CDYL2: variants seen among roughly 807,000 people sequenced by gnomAD.
CDYL2 encodes chromodomain Y like 2, also known as chromodomain Y-like protein 2.
CDYL2 carries 23 observed loss-of-function variants against 49.4 expected under a neutral mutation model. The ratio of observed to expected loss-of-function variants is 0.47; its 90% CI spans 0.34 to 0.66. The LOEUF (loss-of-function observed/expected upper bound fraction) is 0.66, where lower values mean the gene tolerates loss of function less well. Among genes scored for constraint, CDYL2 ranks in the 30% least tolerant of loss-of-function variants. CDYL2 has a pLI of 0.01. For missense variants in CDYL2, 678 were observed against 656.4 expected (o/e 1.03, Z -0.36); for synonymous variants, 360 against 268.8 (o/e 1.34, Z -3.32).
intron 1 of CDYL2, among the ~76,000 whole-genome samples, chr16:80,698,562 G>C (rs538914028): frequency 5.3e-5 from 8 of 152,246 alleles, no homozygotes; most frequent in African/African-American, 1.9e-4. Flanking sequence ...CAGTGTTAGA[G>C]GTGGGGCTTG....
At chr16:80,804,759 G>A (rs1194497406), upstream of CDYL2, among the ~76,000 whole-genome samples, 1 of 149,908 alleles carries the variant, frequency 6.7e-6, no homozygotes, top group East Asian at 2.0e-4. Flanking sequence ...CGGGGCCCCC[G>A]GGGGGCGGCG....
At chr16:80,623,741 A>C (rs1907185365) in intron 3 of CDYL2, among the ~76,000 whole-genome samples, 1 of 152,156 alleles carries the variant, frequency 6.6e-6, no homozygotes, top group African/African-American at 2.4e-5. Flanking sequence ...AGAAGTTTGC[A>C]AGTATGGGGT....
At position 80,598,438 on chromosome 16, in the gene CDYL2, T is replaced by C. The variant is rs1273904424; in HGVS notation, c.*5950A>G. On this transcript the variant is annotated 3_prime_UTR_variant, in exon 7 of 7. Coordinates refer to ENST00000570137, the MANE Select transcript of CDYL2 (RefSeq NM_152342.4). ...CTCAACTGGTCAATGGATCAATGATTCCATCATGAATGAGAATGGAGAGAG... is the reference window on the plus strand; with the variant it reads ...CTCAACTGGTCAATGGATCAATGATCCCATCATGAATGAGAATGGAGAGAG... The C allele has an allele frequency of 6.6e-6, 1 of 152,128 alleles. No homozygotes were observed. Among genetic ancestry groups the C allele is most frequent in the African/African-American group, 2.4e-5 (1 of 41,438 alleles). The allele number at this position is 152,128 out of a possible 1,614,324, so 9.4% of individuals were successfully genotyped here. A position where few individuals can be genotyped will look rare whatever the true frequency, so the allele number is the denominator to read the frequency against.
At position 80,602,194 on chromosome 16, in the gene CDYL2, A is replaced by G. The variant is rs766536841; in HGVS notation, c.*2194T>C. 1.3e-5 allele frequency: 2 copies of G among 152,236 alleles called. No homozygotes were observed. The highest frequency in any genetic ancestry group is 2.9e-5 in the Non-Finnish European group (2 of 68,048). The allele number at this position is 152,236 out of a possible 1,614,324, so 9.4% of individuals were successfully genotyped here. A position where few individuals can be genotyped will look rare whatever the true frequency, so the allele number is the denominator to read the frequency against. On this transcript the variant is annotated 3_prime_UTR_variant, in exon 7 of 7. Transcript: ENST00000570137. Reference sequence around the variant, plus strand: ...CACATTTGCTTTCTCAAAGGAGGAGATAAGATCCAGATAGAGCTGTGACAA... The same window carrying G: ...CACATTTGCTTTCTCAAAGGAGGAGGTAAGATCCAGATAGAGCTGTGACAA...
rs370378594 is a variant in CDYL2, at chr16:80,724,029, G to C, written c.25-38900C>G. ...AGAAGCAAGAAGAGAAAGAGGAAGA[G>C]GGGAGGAGGAAGAGAAAGAAGATGA... On this transcript the variant is annotated intron_variant, in intron 1 of 6. Transcript: ENST00000570137. Among the ~76,000 whole-genome samples, 12 of 149,048 alleles carry C rather than the reference G, an allele frequency of 8.1e-5. No individual in the cohort carries two copies. In the South Asian group the frequency reaches 8.6e-4, roughly 11 times the overall value.
intron 1 of CDYL2, among the ~76,000 whole-genome samples, chr16:80,710,452 G>T (rs1448451584): frequency 6.6e-6 from 1 of 152,162 alleles, no homozygotes; most frequent in Non-Finnish European, 1.5e-5. Flanking sequence ...AAAACAGAAA[G>T]ATGATGTGCA....
At chr16:80,746,787 G>C (rs1291471728) in intron 1 of CDYL2, among the ~76,000 whole-genome samples, 22 of 152,020 alleles carry the variant, frequency 1.4e-4, no homozygotes, top group Admixed American at 1.4e-3. Flanking sequence ...CCACTCACTA[G>C]GACACTGTGC....
chr16:80,678,703 G>T (rs1215573568), intron 2 of CDYL2, among the ~76,000 whole-genome samples: 1 of 149,898 alleles, frequency 6.7e-6, no homozygotes, highest in Non-Finnish European at 1.5e-5. Context: ...AGTCAGTGTG[G>T]CGATTCCTCA....
intron 1 of CDYL2, among the ~76,000 whole-genome samples, chr16:80,722,028 G>A (rs1905015412): frequency 6.6e-6 from 1 of 152,180 alleles, no homozygotes; most frequent in African/African-American, 2.4e-5. Flanking sequence ...GGACCCCTCA[G>A]GAGCTGAGAG....
chr16:80,716,565 G>C (rs1018640355), intron 1 of CDYL2, among the ~76,000 whole-genome samples: 1 of 152,120 alleles, frequency 6.6e-6, no homozygotes, highest in African/African-American at 2.4e-5. Flanking sequence ...ATAATGGATA[G>C]ATGACTGAAT....
intron 2 of CDYL2, among the ~76,000 whole-genome samples, chr16:80,644,600 G>A (rs146652012): frequency 1.4e-3 from 209 of 152,302 alleles, no homozygotes; most frequent in Non-Finnish European, 2.1e-3. Flanking sequence ...CATCTCACAT[G>A]GCAGTGGCAA....
intron 1 of CDYL2, among the ~76,000 whole-genome samples, chr16:80,707,615 G>C (rs1448317313): frequency 6.6e-6 from 1 of 152,156 alleles, no homozygotes; most frequent in African/African-American, 2.4e-5. Context: ...AGCTTCTTTG[G>C]GTTGGCATCA....
At position 80,804,578 on chromosome 16, in the gene CDYL2, G is replaced by C. The variant is rs1908042277; in HGVS notation, c.-405C>G. Among the ~76,000 whole-genome samples, 1 of 145,102 alleles carries C rather than the reference G, an allele frequency of 6.9e-6. No homozygotes were observed. The highest frequency in any genetic ancestry group is 3.5e-3 in the Middle Eastern group (1 of 286). On this transcript the variant is annotated 5_prime_UTR_variant, in exon 1 of 7. Transcript: ENST00000570137. ...AGGAAGCCGCCCGGCGCCCGCCGCC[G>C]GCCCGGACGCTGCTGCCACTGGGCG...
intron 1 of CDYL2, among the ~76,000 whole-genome samples, chr16:80,765,137 T>C (rs945980809): frequency 7.3e-6 from 1 of 137,846 alleles, no homozygotes; most frequent in Non-Finnish European, 1.6e-5. Flanking sequence ...TACTATATAA[T>C]ATATAGTACT....
intron 1 of CDYL2, among the ~76,000 whole-genome samples, chr16:80,746,924 CT>C (rs1905953453): frequency 6.6e-6 from 1 of 152,116 alleles, no homozygotes; most frequent in Admixed American, 6.5e-5. Flanking sequence ...ATTAATAGAA[CT>C]GCAAATCAGC....
chr16:80,690,347 AC>A (rs575198773), intron 1 of CDYL2, among the ~76,000 whole-genome samples: 3 of 151,752 alleles, frequency 2.0e-5, no homozygotes, highest in Non-Finnish European at 4.4e-5. Flanking sequence ...AAGGGAGACC[AC>A]CCCCTCCTCC....
rs1906046194 is a variant in CDYL2 at position 80,600,753 on chromosome 16, GA to G, written c.*3634del. 1 of 151,556 alleles carries G rather than the reference GA, an allele frequency of 6.6e-6. No homozygotes were observed. The highest frequency in any genetic ancestry group is 1.5e-5 in the Non-Finnish European group (1 of 67,958). The allele number at this position is 151,556 out of a possible 1,614,324, so 9.4% of individuals were successfully genotyped here. ...AAAAATTTCCACAGAAACTAGATTG[GA>G]AAATTTAATGGATGTGACTAAATTC... On this transcript the variant is annotated 3_prime_UTR_variant, in exon 7 of 7. Coordinates refer to ENST00000570137, the MANE Select transcript of CDYL2 (RefSeq NM_152342.4).
At chr16:80,698,411 A>C (rs1044442288) in intron 1 of CDYL2, among the ~76,000 whole-genome samples, 3 of 152,216 alleles carry the variant, frequency 2.0e-5, no homozygotes, top group African/African-American at 4.8e-5. Flanking sequence ...CAAGAGCAAA[A>C]AACCAAATAG....
At chr16:80,704,221 G>A (rs977157044) in intron 1 of CDYL2, among the ~76,000 whole-genome samples, 1 of 152,176 alleles carries the variant, frequency 6.6e-6, no homozygotes, top group Non-Finnish European at 1.5e-5. Context: ...AATCAGCCCA[G>A]ATCAACTCAA....
Sources: allele counts gnomAD v4.1 joint callset (sites outside exome capture counted in the v4.1 genomes callset), GRCh38; gene constraint gnomAD v4.1.1; transcripts MANE v1.5; gene names NCBI Gene and HGNC (gene_info 2026-07-23, HGNC 2026-07-21).